The following CYP27C1 variants were observed in gnomAD, a reference collection of about 807,000 sequenced individuals.
CYP27C1 encodes the protein cytochrome P450 27C1.
In CYP27C1, 29 loss-of-function variants were observed where a neutral mutation model predicts 40.6. That is an observed-to-expected ratio of 0.71 (90% CI 0.53 to 0.97). The LOEUF (loss-of-function observed/expected upper bound fraction) is 0.97, where lower values mean the gene tolerates loss of function less well. Ranked by LOEUF, CYP27C1 falls within the 50% of genes least tolerant of loss-of-function variation. The pLI is 0.00. For missense variants in CYP27C1, 390 were observed against 485.8 expected (o/e 0.80, Z 1.85); for synonymous variants, 198 against 186.8 (o/e 1.06, Z -0.49).
At chr2:127,190,342 C>CT (rs1241035422) in intron 8 of CYP27C1, among the ~76,000 whole-genome samples, 12,717 of 96,696 alleles carry the variant, frequency 0.13, 1,392 homozygotes, top group African/African-American at 0.22. Flanking sequence ...TTTTTTTTTT[C>CT]TTTTTTTTTT....
At chr2:127,194,253 C>T (rs548155261) in intron 6 of CYP27C1, among the ~76,000 whole-genome samples, 11 of 152,216 alleles carry the variant, frequency 7.2e-5, no homozygotes, top group South Asian at 2.1e-4. Flanking sequence ...GATACTTCGG[C>T]GATCGGATTA....
chr2:127,203,571 C>T lies in CYP27C1; in HGVS notation c.474G>A (p.Ala158=). 1 of 1,607,900 alleles carries T rather than the reference C, an allele frequency of 6.2e-7. No individual in the cohort carries two copies. Among genetic ancestry groups the T allele is most frequent in the Non-Finnish European group, 8.5e-7 (1 of 1,178,632 alleles). The change falls in exon 3 of 9, where the codon GCG becomes GCA. Residue 158 remains alanine, a splice_region_variant and synonymous_variant. Transcript: ENST00000664447. ...LRGRATGLIS[A]EGEQWLKMRS... ...TCATCTTGAGCCACTGTTCACCCTC[C>T]CTAGAAGAATCAAGTGAGTTTCAAA...
At position 127,218,518 on chromosome 2, in the gene CYP27C1, G is replaced by A. The variant is rs1683486688; in HGVS notation, c.282+1471C>T. Among the ~76,000 whole-genome samples the A allele has an allele frequency of 2.0e-5, 3 of 152,122 alleles. No individual in the cohort carries two copies. Among genetic ancestry groups the A allele is most frequent in the Admixed American group, 1.3e-4 (2 of 15,260 alleles). Reference sequence around the variant, plus strand: ...TGGCGTGGCGGACTTGAGGAGGGACGGTTGGGACTTCCTGGCATTAAAATT... The same window carrying A: ...TGGCGTGGCGGACTTGAGGAGGGACAGTTGGGACTTCCTGGCATTAAAATT... On this transcript the variant is annotated intron_variant, in intron 1 of 8. Transcript: ENST00000664447. The surrounding 1 kb of genome is among the most constrained non-coding windows in gnomAD (Gnocchi z 6.0).
chr2:127,207,867 G>A (rs1016747813), intron 1 of CYP27C1, among the ~76,000 whole-genome samples: 28 of 152,132 alleles, frequency 1.8e-4, no homozygotes, highest in Admixed American at 7.2e-4. Flanking sequence ...TTCATGGACT[G>A]GAAGACTTAA....
intron 6 of CYP27C1, among the ~76,000 whole-genome samples, chr2:127,194,267 C>T (rs1448391363): frequency 6.6e-6 from 1 of 152,138 alleles, no homozygotes; most frequent in African/African-American, 2.4e-5. Context: ...CGGATTATCT[C>T]AGAAAACCCT....
chr2:127,203,083 G>A (rs550398450), intron 3 of CYP27C1, among the ~76,000 whole-genome samples: 10 of 151,778 alleles, frequency 6.6e-5, no homozygotes, highest in South Asian at 2.1e-4. Context: ...CAGGAGAATC[G>A]CTTGAACCTG....
intron 2 of CYP27C1, among the ~76,000 whole-genome samples, chr2:127,204,555 G>GAGAGAGAGAGAAAGAA: frequency 2.6e-5 from 1 of 39,184 alleles, no homozygotes; most frequent in South Asian, 1.1e-3. Flanking sequence ...GAGAGAGAGA[G>GAGAGAGAGAGAAAGAA]AGAAAGAAAG....
intron 1 of CYP27C1, among the ~76,000 whole-genome samples, chr2:127,214,453 A>T (rs542422878): frequency 6.6e-5 from 10 of 152,344 alleles, no homozygotes; most frequent in African/African-American, 1.9e-4. Flanking sequence ...GTTAAAGAAA[A>T]TGTGGCACAT....
rs945417596 is a variant in CYP27C1, at chr2:127,218,480, A to T, written c.282+1509T>A. 2.0e-5 allele frequency among the ~76,000 whole-genome samples: 3 copies of T among 151,952 alleles called. No individual in the cohort carries two copies. Among genetic ancestry groups the T allele is most frequent in the Non-Finnish European group, 2.9e-5 (2 of 67,970 alleles). On this transcript the variant is annotated intron_variant, in intron 1 of 8. Transcript: ENST00000664447. The surrounding 1 kb of genome is among the most constrained non-coding windows in gnomAD (Gnocchi z 6.0). ...CATTGGGGTGGGGGTGGCGGTTTGG[A>T]ACTGTATAGGGTTGGCGTGGCGGAC...
rs1436535958 is a variant in CYP27C1, at chr2:127,209,121, G to T, written c.283-3031C>A. Among the ~76,000 whole-genome samples, 1 of 152,188 alleles carries T rather than the reference G, an allele frequency of 6.6e-6. No homozygotes were observed. Among genetic ancestry groups the T allele is most frequent in the Non-Finnish European group, 1.5e-5 (1 of 68,036 alleles). Reference sequence around the variant, plus strand: ...TACTGGCATCAGGTTGATGCCCCTTGAGGTCAGAGGTCCCAGAAGAAGGAG... The same window carrying T: ...TACTGGCATCAGGTTGATGCCCCTTTAGGTCAGAGGTCCCAGAAGAAGGAG... On this transcript the variant is annotated intron_variant, in intron 1 of 8. Coordinates refer to ENST00000664447, the MANE Select transcript of CYP27C1 (RefSeq NM_001367502.1). The surrounding 1 kb of genome is among the most constrained non-coding windows in gnomAD (Gnocchi z 4.1).
At chr2:127,188,712 C>T (rs978665118) in intron 8 of CYP27C1, among the ~76,000 whole-genome samples, 1 of 148,694 alleles carries the variant, frequency 6.7e-6, no homozygotes, top group Non-Finnish European at 1.5e-5. Context: ...CCAGCCCTGC[C>T]TCCCAGGGTA....
At position 127,219,707 on chromosome 2, in the gene CYP27C1, C is replaced by T. The variant is rs191950206; in HGVS notation, c.282+282G>A. 9.1e-3 allele frequency among the ~76,000 whole-genome samples: 1,388 copies of T among 152,096 alleles called. 24 individuals are homozygous for T. Among genetic ancestry groups the T allele is most frequent in the African/African-American group, 0.031 (1,300 of 41,474 alleles). ...CTCTCCGGGGTCCGCTTCCCGAAGA[C>T]CCCTCCCCAACGCCCCCGCCCCGCT... On this transcript the variant is annotated intron_variant, in intron 1 of 8. Coordinates refer to ENST00000664447, the MANE Select transcript of CYP27C1 (RefSeq NM_001367502.1). This position sits in a 1 kb window ranked among gnomAD's most constrained non-coding sequence, Gnocchi z 8.7.
Position 127,219,256 on chromosome 2 carries a change from C to G in CYP27C1, c.282+733G>C, listed in dbSNP as rs1002600016. 6.6e-6 allele frequency among the ~76,000 whole-genome samples: 1 copy of G among 152,144 alleles called. No homozygotes were observed. The highest frequency in any genetic ancestry group is 1.5e-5 in the Non-Finnish European group (1 of 68,008). On this transcript the variant is annotated intron_variant, in intron 1 of 8. Coordinates refer to ENST00000664447, the MANE Select transcript of CYP27C1 (RefSeq NM_001367502.1). This position sits in a 1 kb window ranked among gnomAD's most constrained non-coding sequence, Gnocchi z 8.7. ...CGGGCCGGCCCCAGGCAGCAGCCCC[C>G]CTCAGCCCCAACTCCGCGGGTCCCG...
intron 5 of CYP27C1, among the ~76,000 whole-genome samples, chr2:127,197,606 C>T (rs1285454177): frequency 3.9e-5 from 6 of 152,234 alleles, no homozygotes; most frequent in East Asian, 3.9e-4. Context: ...AACAGCGAAG[C>T]GTCACGCAAT....
chr2:127,215,042 C>T (rs1373395772), intron 1 of CYP27C1, among the ~76,000 whole-genome samples: 5 of 149,710 alleles, frequency 3.3e-5, no homozygotes, highest in African/African-American at 4.9e-5. Context: ...GGCAGGAGAA[C>T]GGCGTGAACC....
In CYP27C1 at chr2:127,208,296, C is replaced by A. The variant is rs994005293; in HGVS notation, c.283-2206G>T. On this transcript the variant is annotated intron_variant, in intron 1 of 8. Coordinates refer to ENST00000664447, the MANE Select transcript of CYP27C1 (RefSeq NM_001367502.1). The surrounding 1 kb of genome is among the most constrained non-coding windows in gnomAD (Gnocchi z 5.2). The stretch of plus-strand genomic sequence containing the variant: ...GCCACACGGGGAAGGGAACCCACTC[C>A]CCCCAGCCAAGGGAGGTGGTGAGTG... Among the ~76,000 whole-genome samples the A allele has an allele frequency of 6.6e-5, 10 of 152,148 alleles. No homozygotes were observed. Among genetic ancestry groups the A allele is most frequent in the African/African-American group, 2.4e-4 (10 of 41,438 alleles).
rs1683217265 is a variant in CYP27C1 at position 127,205,935 on chromosome 2, T to A, written c.438A>T (p.Arg146=). Among the ~76,000 whole-genome samples the A allele has an allele frequency of 6.6e-6, 1 of 152,052 alleles. No individual in the cohort carries two copies. Among genetic ancestry groups the A allele is most frequent in the African/African-American group, 2.4e-5 (1 of 41,412 alleles). The part of the protein sequence containing the change: ...RANMESWREY[R]DLRGRATGLI... Reference sequence around the variant, plus strand: ...GCCCGGTGGCTCTCCCCCGCAAGTCTCGGTACTCCCGCCAGGACTCCATGT... The same window carrying A: ...GCCCGGTGGCTCTCCCCCGCAAGTCACGGTACTCCCGCCAGGACTCCATGT... Residue 146 remains arginine, a synonymous_variant, in exon 2 of 9, where the codon CGA becomes CGT. Transcript: ENST00000664447.
intron 1 of CYP27C1, among the ~76,000 whole-genome samples, chr2:127,211,766 A>T (rs1177262165): frequency 6.6e-6 from 1 of 152,132 alleles, no homozygotes; most frequent in Non-Finnish European, 1.5e-5. Flanking sequence ...ACAGCCTAAC[A>T]TCACAATTAA....
At chr2:127,216,625 C>A (rs556806432) in intron 1 of CYP27C1, among the ~76,000 whole-genome samples, 3 of 151,988 alleles carry the variant, frequency 2.0e-5, no homozygotes, top group Non-Finnish European at 4.4e-5. Context: ...AAGTTGACTG[C>A]GGTGATGGTT....
Sources: allele counts gnomAD v4.1 joint callset (sites outside exome capture counted in the v4.1 genomes callset), GRCh38; gene constraint gnomAD v4.1.1; non-coding constraint Gnocchi (gnomAD v3.1); transcripts MANE v1.5; gene names NCBI Gene and HGNC (gene_info 2026-07-23, HGNC 2026-07-21).